The following ATXN7 variants were observed in gnomAD, a reference collection of about 807,000 sequenced individuals.
The protein encoded by ATXN7 is ataxin 7.
Under a neutral mutation model 70.5 loss-of-function variants are expected in ATXN7, and 12 were observed. The observed-to-expected ratio is 0.17, with a 90% CI of 0.11 to 0.28. ATXN7 has a LOEUF of 0.28. Among genes scored for constraint, ATXN7 ranks in the 10% least tolerant of loss-of-function variants. The pLI is 1.00. For synonymous variants in ATXN7, 498 were observed against 448.7 expected, an observed-to-expected ratio of 1.11 and a Z score of -1.39; for missense variants, 1,256 against 1,131.7, an observed-to-expected ratio of 1.11 and a Z score of -1.58.
At chr3:63,951,706 A>C (rs770418499) in intron 4 of ATXN7, among the ~76,000 whole-genome samples, 17 of 152,166 alleles carry the variant, frequency 1.1e-4, no homozygotes, top group Non-Finnish European at 2.4e-4. Flanking sequence ...GTTTAGTTTT[A>C]CTTTTGCATT....
chr3:63,959,968 TAATAC>T (rs1176997012), intron 5 of ATXN7, among the ~76,000 whole-genome samples: 2 of 152,154 alleles, frequency 1.3e-5, no homozygotes, highest in Non-Finnish European at 2.9e-5. Context: ...TATTCTGACT[TAATAC>T]AATACATTGT....
chr3:63,946,568 G>A (rs770263107), intron 4 of ATXN7, among the ~76,000 whole-genome samples: 7 of 151,874 alleles, frequency 4.6e-5, no homozygotes, highest in East Asian at 1.9e-4. Context: ...GCGTGAACCC[G>A]GGAGGCGGAG....
intron 4 of ATXN7, among the ~76,000 whole-genome samples, chr3:63,950,335 A>G (rs934231716): frequency 1.3e-5 from 2 of 152,222 alleles, no homozygotes; most frequent in South Asian, 4.1e-4. Flanking sequence ...AAAGTGATCT[A>G]TTTTAAGCAA....
At chr3:63,952,356 G>A in intron 4 of ATXN7, 23 bp from the exon 5 acceptor site, 1 of 1,564,628 alleles carries the variant, frequency 6.4e-7, no homozygotes, top group Middle Eastern at 1.7e-4. Context: ...ATGAGTGAGT[G>A]ATGCTCTGTT....
chr3:63,907,018 G>A (rs1440816225), intron 2 of ATXN7, among the ~76,000 whole-genome samples: 1 of 152,254 alleles, frequency 6.6e-6, no homozygotes, highest in African/African-American at 2.4e-5. Flanking sequence ...AGATTGGTCT[G>A]ATAGTATAGC....
chr3:63,875,394 G>T (rs1430042750), intron 1 of ATXN7, among the ~76,000 whole-genome samples: 1 of 152,084 alleles, frequency 6.6e-6, no homozygotes, highest in Non-Finnish European at 1.5e-5. Context: ...GCCCAGCCTA[G>T]GATTTCAACA....
At position 64,003,407 on chromosome 3, in the gene ATXN7, ATTTGT is replaced by A. The variant is rs2075856890; in HGVS notation, c.*3946_*3950del. 6.6e-6 allele frequency: 1 copy of A among 152,098 alleles called. No individual in the cohort carries two copies. Among genetic ancestry groups the A allele is most frequent in the Non-Finnish European group, 1.5e-5 (1 of 67,996 alleles). 9.4% of individuals were successfully genotyped at this position (152,098 alleles called of 1,614,324 possible). ...TTAAAAGAGAAGAAATATATAGTCTATTTGTTTTGTAACAAGTTTCTGTAAATAAA... is the reference window on the plus strand; with the variant it reads ...TTAAAAGAGAAGAAATATATAGTCTATTTGTAACAAGTTTCTGTAAATAAA... On this transcript the variant is annotated 3_prime_UTR_variant, in exon 13 of 13. Coordinates refer to ENST00000674280, the MANE Select transcript of ATXN7 (RefSeq NM_001377405.1).
At chr3:63,872,024 T>C (rs1702610005) in intron 1 of ATXN7, among the ~76,000 whole-genome samples, 1 of 152,214 alleles carries the variant, frequency 6.6e-6, no homozygotes, top group African/African-American at 2.4e-5. Flanking sequence ...TCAGTTATTT[T>C]GGCTTTGGAG....
At chr3:63,905,840 G>A (rs1436346155) in intron 2 of ATXN7, 1 of 152,186 alleles carries the variant, frequency 6.6e-6, no homozygotes, top group Non-Finnish European at 1.5e-5. Flanking sequence ...TATCAAAAGA[G>A]AATATTGGTT....
chr3:63,863,508 T>C, upstream of ATXN7: 8 of 1,185,502 alleles, frequency 6.7e-6, no homozygotes, highest in Non-Finnish European at 8.3e-6. Flanking sequence ...GCACACCCTA[T>C]AGCCCCGCGC....
chr3:63,937,663 A>G (rs1283745706), intron 4 of ATXN7, among the ~76,000 whole-genome samples: 4 of 152,232 alleles, frequency 2.6e-5, no homozygotes, highest in Admixed American at 6.5e-5. Flanking sequence ...GAGATGAAAC[A>G]TAGTAGGACC....
In ATXN7 at chr3:63,930,532, A is replaced by AT. The variant is rs60958975; in HGVS notation, c.394+17323dup. Among the ~76,000 whole-genome samples the AT allele has an allele frequency of 4.3e-3, 623 of 144,068 alleles. 2 individuals are homozygous for AT. The highest frequency in any genetic ancestry group is 6.9e-3 in the Non-Finnish European group (453 of 65,708). The allele number at this position is 144,068 out of a possible 152,430, so 94.5% of individuals were successfully genotyped here. A position where few individuals can be genotyped will look rare whatever the true frequency, so the allele number is the denominator to read the frequency against. ...TCTTTTTCAAATCCCAGAGTTTACA[A>AT]TTTTTTTTTTTTTTTTGAAGATGGA... On this transcript the variant is annotated intron_variant, in intron 4 of 12. Coordinates refer to ENST00000674280, the MANE Select transcript of ATXN7 (RefSeq NM_001377405.1).
chr3:63,990,143 A>G, intron 9 of ATXN7, 33 bp from the exon 10 acceptor site: 1 of 1,606,788 alleles, frequency 6.2e-7, no homozygotes, highest in Admixed American at 1.7e-5. Context: ...CAGGTGTGTG[A>G]TCTGATCCGT....
intron 8 of ATXN7, 128 bp from the exon 9 acceptor site, chr3:63,987,931 T>C (rs2106779507): frequency 8.6e-7 from 1 of 1,164,056 alleles, no homozygotes; most frequent in Non-Finnish European, 1.2e-6. Flanking sequence ...GCTTATCAAA[T>C]GCTGAGTAGC....
intron 2 of ATXN7, among the ~76,000 whole-genome samples, chr3:63,907,515 A>C (rs961108789): frequency 6.9e-6 from 1 of 144,512 alleles, no homozygotes; most frequent in African/African-American, 2.6e-5. Context: ...GCTGGAGTAC[A>C]GTGGCACGAT....
At chr3:63,890,358 C>T (rs1703220577) in intron 1 of ATXN7, among the ~76,000 whole-genome samples, 1 of 152,158 alleles carries the variant, frequency 6.6e-6, no homozygotes, top group Non-Finnish European at 1.5e-5. Context: ...TAAGACCCAG[C>T]CCCTCTCCTC....
At chr3:63,976,691 A>T (rs537866373) in intron 5 of ATXN7, among the ~76,000 whole-genome samples, 1 of 152,298 alleles carries the variant, frequency 6.6e-6, no homozygotes, top group African/African-American at 2.4e-5. Context: ...TGAAAGGACA[A>T]GCTTAAAGTT....
At chr3:63,965,857 G>T (rs1039322522) in intron 5 of ATXN7, among the ~76,000 whole-genome samples, 1 of 152,178 alleles carries the variant, frequency 6.6e-6, no homozygotes, top group Non-Finnish European at 1.5e-5. Context: ...CTCAATTTCT[G>T]TGTATGTGTA....
At chr3:63,979,459 T>C in intron 5 of ATXN7, among the ~76,000 whole-genome samples, 1 of 152,202 alleles carries the variant, frequency 6.6e-6, no homozygotes, top group Non-Finnish European at 1.5e-5. Context: ...AGGTACAACT[T>C]GTTTCTTAAG....
Sources: allele counts gnomAD v4.1 joint callset (sites outside exome capture counted in the v4.1 genomes callset), GRCh38; gene constraint gnomAD v4.1.1; transcripts MANE v1.5; gene names NCBI Gene and HGNC (gene_info 2026-07-23, HGNC 2026-07-21).